Variants in EXOC2 observed in about 807,000 individuals in gnomAD.
EXOC2 encodes the protein exocyst complex component 2.
In EXOC2, 70 loss-of-function variants were observed where a neutral mutation model predicts 131.8. The ratio of observed to expected loss-of-function variants is 0.53; its 90% CI spans 0.44 to 0.65. EXOC2 has a LOEUF of 0.65. Among genes scored for constraint, EXOC2 ranks in the 30% least tolerant of loss-of-function variants. The pLI is 0.00. For synonymous variants in EXOC2, 411 were observed against 398.4 expected (o/e 1.03, Z -0.38); for missense variants, 923 against 1,108.6 (o/e 0.83, Z 2.38).
intron 1 of EXOC2, among the ~76,000 whole-genome samples, chr6:645,118 C>T (rs750606882): frequency 1.3e-5 from 2 of 151,404 alleles, no homozygotes; most frequent in Admixed American, 6.6e-5. Flanking sequence ...AACTAATGGA[C>T]GAATGAAATA....
intron 23 of EXOC2, among the ~76,000 whole-genome samples, chr6:529,855 T>G (rs7747922): frequency 9.8e-4 from 149 of 152,336 alleles, no homozygotes; most frequent in African/African-American, 3.0e-3. Context: ...TGTCGTTACA[T>G]GCTAATCACA....
At chr6:576,640 C>A in intron 12 of EXOC2, 117 bp downstream of exon 12, 1 of 1,180,310 alleles carries the variant, frequency 8.5e-7, no homozygotes, top group Non-Finnish European at 1.2e-6. Flanking sequence ...GCGATGATGG[C>A]TGATAATACT....
intron 23 of EXOC2, among the ~76,000 whole-genome samples, chr6:517,307 C>A (rs759593048): frequency 3.3e-5 from 5 of 151,970 alleles, no homozygotes; most frequent in Non-Finnish European, 5.9e-5. Flanking sequence ...CAGGGCCCAC[C>A]TGAAGAGACT....
intron 17 of EXOC2, among the ~76,000 whole-genome samples, chr6:559,355 T>C (rs1757581972): frequency 6.6e-6 from 1 of 152,232 alleles, no homozygotes; most frequent in Non-Finnish European, 1.5e-5. Context: ...GGATATCTAA[T>C]GTTTAGAAAA....
intron 10 of EXOC2, among the ~76,000 whole-genome samples, chr6:596,985 T>A (rs1409770406): frequency 6.6e-6 from 1 of 152,188 alleles, no homozygotes. Flanking sequence ...AACCCTTAAA[T>A]GTATTTCTGA....
intron 12 of EXOC2, among the ~76,000 whole-genome samples, chr6:574,134 G>A (rs1758445208): frequency 6.6e-6 from 1 of 152,112 alleles, no homozygotes; most frequent in Admixed American, 6.5e-5. Context: ...CCCTTCCAAT[G>A]GACAAGACTG....
intron 9 of EXOC2, 40 bp downstream of exon 9, chr6:598,820 A>G: frequency 6.7e-7 from 1 of 1,489,154 alleles, no homozygotes; most frequent in Non-Finnish European, 9.2e-7. Context: ...CTTCCTATAA[A>G]AGGAAAGGAG....
chr6:564,312 T>C (rs1322459033), intron 15 of EXOC2, among the ~76,000 whole-genome samples, 158 bp from the exon 16 acceptor site: 2 of 151,924 alleles, frequency 1.3e-5, no homozygotes, highest in Non-Finnish European at 2.9e-5. Context: ...ACTGTCAGAG[T>C]AATACTGAGT....
At chr6:503,263 CCTA>C (rs1034014749) in intron 23 of EXOC2, among the ~76,000 whole-genome samples, 1 of 151,896 alleles carries the variant, frequency 6.6e-6, no homozygotes, top group Non-Finnish European at 1.5e-5. Context: ...TCATTGAGAT[CCTA>C]CTACATGGAG....
In EXOC2 at chr6:607,621, A is replaced by G. The variant is rs1009840855; in HGVS notation, c.742+2477T>C. Reference sequence around the variant, plus strand: ...AAATTAAATAAAAATTTAAAACTCAATTCCTCAGTTGTACTAGTCACATTG... The same window carrying G: ...AAATTAAATAAAAATTTAAAACTCAGTTCCTCAGTTGTACTAGTCACATTG... On this transcript the variant is annotated intron_variant, in intron 7 of 27. Transcript: ENST00000230449. Among the ~76,000 whole-genome samples the G allele has an allele frequency of 2.6e-5, 4 of 152,236 alleles. No homozygotes were observed. In the East Asian group the frequency reaches 7.7e-4, roughly 29 times the overall value.
intron 1 of EXOC2, chr6:670,257 C>T (rs114023758): frequency 0.039 from 5,997 of 152,306 alleles, 188 homozygotes; most frequent in African/African-American, 0.084. Flanking sequence ...TCCACACAAG[C>T]AGGTTCTTTG....
At chr6:645,987 T>C (rs1581619936) in intron 1 of EXOC2, among the ~76,000 whole-genome samples, 1 of 152,220 alleles carries the variant, frequency 6.6e-6, no homozygotes, top group Non-Finnish European at 1.5e-5. Flanking sequence ...AGTATTTTCT[T>C]GACCTTGACA....
chr6:557,199 G>A (rs1359137026), intron 17 of EXOC2, among the ~76,000 whole-genome samples: 2 of 152,192 alleles, frequency 1.3e-5, no homozygotes, highest in South Asian at 2.1e-4. Context: ...ACAGGAATAA[G>A]TAAGACAGAA....
chr6:493,630 A>G (rs1432637185), intron 25 of EXOC2, among the ~76,000 whole-genome samples: 3 of 152,214 alleles, frequency 2.0e-5, no homozygotes, highest in Non-Finnish European at 4.4e-5. Context: ...CCAAGCTCTC[A>G]GGACAGTTCT....
chr6:610,972 A>G (rs1760684778), intron 6 of EXOC2, among the ~76,000 whole-genome samples: 1 of 152,216 alleles, frequency 6.6e-6, no homozygotes. Flanking sequence ...GAGTGAGGAG[A>G]AAGTAATTTC....
At chr6:671,350 AC>A (rs771684706) in intron 1 of EXOC2, among the ~76,000 whole-genome samples, 48 of 83,212 alleles carry the variant, frequency 5.8e-4, no homozygotes, top group Admixed American at 2.7e-4. Flanking sequence ...AACAACAACA[AC>A]AACAAAAAAA....
chr6:491,529 A>C (rs1023019320), intron 25 of EXOC2, among the ~76,000 whole-genome samples: 1 of 152,270 alleles, frequency 6.6e-6, no homozygotes, highest in Non-Finnish European at 1.5e-5. Flanking sequence ...AAGAGGAAAG[A>C]CACTTTGAAA....
intron 1 of EXOC2, among the ~76,000 whole-genome samples, chr6:661,556 A>C (rs1581650948): frequency 6.6e-6 from 1 of 152,220 alleles, no homozygotes; most frequent in Non-Finnish European, 1.5e-5. Flanking sequence ...TCATATATGA[A>C]GGAAAGATAC....
At chr6:519,176 C>G (rs13212972) in intron 23 of EXOC2, among the ~76,000 whole-genome samples, 14 of 26,694 alleles carry the variant, frequency 5.2e-4, no homozygotes, top group African/African-American at 2.4e-3. Flanking sequence ...GAACCACCAC[C>G]CACTGAGCGC....
Sources: gnomAD v4.1 joint callset for allele counts (sites outside exome capture counted in the v4.1 genomes callset) on GRCh38, gnomAD v4.1.1 for gene constraint, MANE v1.5 for transcripts, NCBI Gene and HGNC (gene_info 2026-07-23, HGNC 2026-07-21) for gene names.